XKR6: variants seen among roughly 807,000 people sequenced by gnomAD.
The protein encoded by XKR6 is XK-related protein 6.
Under a neutral mutation model 56.7 loss-of-function variants are expected in XKR6, and 22 were observed. That is an observed-to-expected ratio of 0.39 (90% CI 0.28 to 0.55). The LOEUF (loss-of-function observed/expected upper bound fraction) is 0.55. XKR6 is among the 20% of genes least tolerant of loss of function. The pLI is 0.66. For synonymous variants in XKR6, 524 were observed against 387.8 expected (o/e 1.35, Z -4.13); for missense variants, 852 against 889.0 (o/e 0.96, Z 0.53).
At chr8:11,077,169 T>C (rs1261776958) in intron 1 of XKR6, among the ~76,000 whole-genome samples, 3 of 152,136 alleles carry the variant, frequency 2.0e-5, no homozygotes, top group African/African-American at 4.8e-5. Context: ...AGAGCAAGAC[T>C]CTGTCTCTAA....
chr8:11,111,008 A>ATTTTTT (rs58233543), intron 1 of XKR6, among the ~76,000 whole-genome samples: 1 of 114,218 alleles, frequency 8.8e-6, no homozygotes, highest in Admixed American at 1.0e-4. Flanking sequence ...GGCTTTTTCT[A>ATTTTTT]TTTTTTTTTT....
rs201232426 is a variant in XKR6, at chr8:11,201,325, G to A, written c.15C>T (p.Ser5=). The change falls in exon 1 of 3, where the codon TCC becomes TCT. Residue 5 remains serine, a synonymous_variant. Transcript: ENST00000416569. ...AGCCCACCCCCACGCCACCGCCATCGGATTTCGCCGCCATCTTGACTCTCT... is the reference window on the plus strand; with the variant it reads ...AGCCCACCCCCACGCCACCGCCATCAGATTTCGCCGCCATCTTGACTCTCT... MAAK[S]DGGGVGVGFA... The A allele has an allele frequency of 5.4e-5, 84 of 1,550,504 alleles. No individual in the cohort carries two copies. Among genetic ancestry groups the A allele is most frequent in the Admixed American group, 7.0e-5 (4 of 56,908 alleles).
intron 1 of XKR6, chr8:11,123,909 CATG>C: frequency 2.2e-6 from 1 of 456,234 alleles, no homozygotes; most frequent in Non-Finnish European, 4.4e-6. Context: ...TTCCCTCCCT[CATG>C]ATGTTCTTGG....
rs557547867 is a variant in XKR6, at chr8:10,947,022, G to A, written c.765-22192C>T. On this transcript the variant is annotated intron_variant, in intron 1 of 2. Transcript: ENST00000416569. ...CCAGGCTGGACAGAAAGGGCCTTGGGAGCACAGATGCATGCAGGAGGCAGG... is the reference window on the plus strand; with the variant it reads ...CCAGGCTGGACAGAAAGGGCCTTGGAAGCACAGATGCATGCAGGAGGCAGG... Among the ~76,000 whole-genome samples the A allele has an allele frequency of 3.3e-5, 5 of 152,250 alleles. No individual in the cohort carries two copies. The South Asian group carries it at 1.0e-3, about 32-fold the overall frequency.
At chr8:10,978,207 G>T (rs929879764) in intron 1 of XKR6, among the ~76,000 whole-genome samples, 1 of 152,226 alleles carries the variant, frequency 6.6e-6, no homozygotes, top group Non-Finnish European at 1.5e-5. Flanking sequence ...CAGATTCATA[G>T]CAGAGAATAG....
intron 1 of XKR6, among the ~76,000 whole-genome samples, chr8:11,121,977 T>G (rs1052385024): frequency 6.6e-6 from 1 of 152,174 alleles, no homozygotes; most frequent in Non-Finnish European, 1.5e-5. Context: ...TAGGTGGGAA[T>G]TGAACAATAA....
intron 1 of XKR6, among the ~76,000 whole-genome samples, chr8:11,149,524 A>G (rs1306337865): frequency 2.6e-5 from 4 of 152,214 alleles, no homozygotes; most frequent in Non-Finnish European, 5.9e-5. Context: ...TCCATATTTA[A>G]AATCATACTG....
intron 1 of XKR6, among the ~76,000 whole-genome samples, chr8:10,940,876 G>A (rs900487504): frequency 2.0e-5 from 3 of 152,114 alleles, no homozygotes; most frequent in East Asian, 1.9e-4. Context: ...ACCAGATATC[G>A]ATCAGAAGGG....
intron 1 of XKR6, among the ~76,000 whole-genome samples, chr8:11,195,734 C>T (rs1250459893): frequency 6.6e-6 from 1 of 151,542 alleles, no homozygotes; most frequent in Non-Finnish European, 1.5e-5. Context: ...CTGCAAGCTC[C>T]ACCTCCCGGG....
At chr8:11,116,713 G>C (rs1228093198) in intron 1 of XKR6, among the ~76,000 whole-genome samples, 4 of 152,140 alleles carry the variant, frequency 2.6e-5, no homozygotes, top group African/African-American at 9.7e-5. Context: ...GCAGCTGAGA[G>C]GTTTCATTCG....
intron 2 of XKR6, among the ~76,000 whole-genome samples, chr8:10,904,165 AC>A (rs1229367676): frequency 6.6e-6 from 1 of 152,102 alleles, no homozygotes; most frequent in African/African-American, 2.4e-5. Context: ...CTGAGCAGTG[AC>A]CTTCACAGCT....
chr8:11,109,612 C>A (rs6601563), intron 1 of XKR6: 2 of 152,100 alleles, frequency 1.3e-5, no homozygotes, highest in Non-Finnish European at 2.9e-5. Flanking sequence ...CAGCTCTGGG[C>A]GAGTTTATCC....
chr8:10,942,806 C>T (rs1185928214), intron 1 of XKR6, among the ~76,000 whole-genome samples: 2 of 152,230 alleles, frequency 1.3e-5, no homozygotes, highest in Non-Finnish European at 2.9e-5. Context: ...TATCCCATGC[C>T]TAGCTTATTT....
intron 1 of XKR6, among the ~76,000 whole-genome samples, chr8:10,984,945 T>C (rs2129138489): frequency 1.3e-5 from 2 of 151,680 alleles, no homozygotes; most frequent in Middle Eastern, 6.8e-3. Context: ...TGTTGTGGTT[T>C]TTTGTTTTTT....
intron 1 of XKR6, among the ~76,000 whole-genome samples, chr8:11,141,868 C>T (rs773254542): frequency 2.0e-5 from 3 of 151,888 alleles, no homozygotes; most frequent in Admixed American, 6.6e-5. Flanking sequence ...GAGTAGGGAG[C>T]GGGGAGTGAC....
chr8:10,973,343 T>C (rs570708878), intron 1 of XKR6, among the ~76,000 whole-genome samples: 1 of 152,090 alleles, frequency 6.6e-6, no homozygotes, highest in African/African-American at 2.4e-5. Flanking sequence ...CTGCAAGGGG[T>C]TCCCCTAAAT....
At chr8:10,987,052 G>A (rs1451956390) in intron 1 of XKR6, among the ~76,000 whole-genome samples, 1 of 151,680 alleles carries the variant, frequency 6.6e-6, no homozygotes, top group Non-Finnish European at 1.5e-5. Flanking sequence ...AGCCTCCCAA[G>A]TCATAAGTTT....
At chr8:11,199,759 G>T (rs1008645329) in intron 1 of XKR6, among the ~76,000 whole-genome samples, 5 of 152,178 alleles carry the variant, frequency 3.3e-5, no homozygotes, top group Non-Finnish European at 5.9e-5. Context: ...TACAAAACGA[G>T]AAAGGGCCGC....
At chr8:10,999,853 A>G (rs910226436) in intron 1 of XKR6, among the ~76,000 whole-genome samples, 2 of 152,220 alleles carry the variant, frequency 1.3e-5, no homozygotes, top group African/African-American at 4.8e-5. Context: ...CAGGGTCAAG[A>G]AGGCATCTCC....
Sources: allele counts gnomAD v4.1 joint callset (sites outside exome capture counted in the v4.1 genomes callset), GRCh38; gene constraint gnomAD v4.1.1; transcripts MANE v1.5; gene names NCBI Gene and HGNC (gene_info 2026-07-23, HGNC 2026-07-21).